The following NAV2 variants were observed in gnomAD, a reference collection of about 807,000 sequenced individuals.
The protein encoded by NAV2 is neuron navigator 2, also known as helicase, APC down-regulated 1.
A neutral mutation model predicts 223.2 loss-of-function variants in NAV2; 54 were observed. The observed-to-expected ratio is 0.24, with a 90% confidence interval of 0.19 to 0.30. The LOEUF (loss-of-function observed/expected upper bound fraction) is 0.30. Among genes scored for constraint, NAV2 ranks in the 10% least tolerant of loss-of-function variants. The pLI is 1.00. For synonymous variants in NAV2, 1,279 were observed against 1,239.3 expected (o/e 1.03, Z -0.67); for missense variants, 2,806 against 3,147.5 (o/e 0.89, Z 2.60).
chr11:19,538,367 GT>G (rs2044246056), intron 1 of NAV2, among the ~76,000 whole-genome samples: 1 of 152,064 alleles, frequency 6.6e-6, no homozygotes, highest in Non-Finnish European at 1.5e-5. Flanking sequence ...TTGAGACAGG[GT>G]CTTGCTCTTT....
At chr11:19,693,376 T>A (rs995977452) in intron 1 of NAV2, among the ~76,000 whole-genome samples, 1 of 152,192 alleles carries the variant, frequency 6.6e-6, no homozygotes, top group African/African-American at 2.4e-5. Flanking sequence ...TATTTCTGTC[T>A]CCAACCAGGA....
chr11:19,358,886 G>T (rs1177386878), intron 1 of NAV2, among the ~76,000 whole-genome samples: 1 of 152,156 alleles, frequency 6.6e-6, no homozygotes, highest in African/African-American at 2.4e-5. Flanking sequence ...TAAAAAGTAG[G>T]ATAAATAATT....
At chr11:19,496,411 G>A (rs897908971) in intron 1 of NAV2, among the ~76,000 whole-genome samples, 4 of 152,208 alleles carry the variant, frequency 2.6e-5, no homozygotes, top group African/African-American at 9.7e-5. Context: ...GCTTGACTGG[G>A]GCTGGAGGAC....
At chr11:19,864,137 C>G (rs577704727) in intron 3 of NAV2, among the ~76,000 whole-genome samples, 4 of 152,160 alleles carry the variant, frequency 2.6e-5, no homozygotes, top group Non-Finnish European at 5.9e-5. Flanking sequence ...TGGTTGTGAC[C>G]ATGCCTGACT....
intron 27 of NAV2, among the ~76,000 whole-genome samples, chr11:20,091,454 C>A (rs893388170): frequency 6.6e-6 from 1 of 152,180 alleles, no homozygotes; most frequent in African/African-American, 2.4e-5. Flanking sequence ...CTCTGCACAT[C>A]CAAGTTAGAC....
chr11:19,712,184 G>A (rs1247767046), upstream of NAV2: 1 of 152,212 alleles, frequency 6.6e-6, no homozygotes, highest in Non-Finnish European at 1.5e-5. Flanking sequence ...AGCCTCTCCC[G>A]GCTTCTTCAG....
chr11:19,367,569 G>A (rs943921381), intron 1 of NAV2, among the ~76,000 whole-genome samples: 2 of 152,130 alleles, frequency 1.3e-5, no homozygotes, highest in Non-Finnish European at 2.9e-5. Flanking sequence ...TTTCAAGAGA[G>A]CTCCCACTGG....
intron 22 of NAV2, among the ~76,000 whole-genome samples, chr11:20,069,050 G>A (rs2059228299): frequency 6.6e-6 from 1 of 151,918 alleles, no homozygotes; most frequent in Admixed American, 6.6e-5. Context: ...TATCTAGGGG[G>A]AGCACCTAGC....
chr11:20,050,634 A>C (rs2057906562), intron 16 of NAV2, among the ~76,000 whole-genome samples: 1 of 151,562 alleles, frequency 6.6e-6, no homozygotes, highest in Non-Finnish European at 1.5e-5. Context: ...TTGTCAGCTC[A>C]CAAACCAAGC....
At chr11:19,812,372 C>T (rs2058878459) in intron 1 of NAV2, among the ~76,000 whole-genome samples, 1 of 152,062 alleles carries the variant, frequency 6.6e-6, no homozygotes, top group African/African-American at 2.4e-5. Flanking sequence ...CCTGGCCATT[C>T]ACTCTCTAAT....
At chr11:19,611,457 C>T (rs1268808074) in intron 1 of NAV2, among the ~76,000 whole-genome samples, 1 of 152,168 alleles carries the variant, frequency 6.6e-6, no homozygotes, top group Non-Finnish European at 1.5e-5. Context: ...AAGGCAAGTC[C>T]CTTCTGCCTA....
intron 10 of NAV2, among the ~76,000 whole-genome samples, chr11:19,974,196 C>T (rs1174635305): frequency 6.6e-6 from 1 of 152,204 alleles, no homozygotes; most frequent in Non-Finnish European, 1.5e-5. Flanking sequence ...TTCTTCCGCC[C>T]AGGTCTCATG....
At chr11:19,891,781 C>T (rs1478764791) in intron 5 of NAV2, among the ~76,000 whole-genome samples, 1 of 152,090 alleles carries the variant, frequency 6.6e-6, no homozygotes, top group Admixed American at 6.6e-5. Context: ...TACTTACAAC[C>T]CCAGATTATG....
rs1409049518 is a variant in NAV2 at position 20,118,449 on chromosome 11, T to C, written c.*191T>C. Reference sequence around the variant, plus strand: ...CCGGGCCAGCTGCCTGCGGACCGCTTCCTTCCACAGCGAGAACTGCACTAC... The same window carrying C: ...CCGGGCCAGCTGCCTGCGGACCGCTCCCTTCCACAGCGAGAACTGCACTAC... On this transcript the variant is annotated 3_prime_UTR_variant, in exon 38 of 38. Transcript: ENST00000349880. 1 of 638,920 alleles carries C rather than the reference T, an allele frequency of 1.6e-6. No individual in the cohort carries two copies. Among genetic ancestry groups the C allele is most frequent in the African/African-American group, 1.8e-5 (1 of 54,898 alleles). 39.6% of individuals were successfully genotyped at this position (638,920 alleles called of 1,614,324 possible). A position where few individuals can be genotyped will look rare whatever the true frequency, so the allele number is the denominator to read the frequency against.
chr11:19,400,130 A>G (rs1779838955), intron 1 of NAV2, among the ~76,000 whole-genome samples: 6 of 152,174 alleles, frequency 3.9e-5, no homozygotes, highest in Admixed American at 3.9e-4. Context: ...GGAAAGTGTG[A>G]ATAAGGGGTA....
intron 1 of NAV2, chr11:19,511,496 A>G (rs184415781): frequency 2.6e-5 from 4 of 152,332 alleles, no homozygotes; most frequent in Non-Finnish European, 5.9e-5. Context: ...AAGACTGATC[A>G]TGGTGATGGT....
chr11:19,675,835 CA>C (rs1303738188), intron 1 of NAV2, among the ~76,000 whole-genome samples: 1 of 152,196 alleles, frequency 6.6e-6, no homozygotes, highest in Non-Finnish European at 1.5e-5. Flanking sequence ...CACGAGTTTT[CA>C]CAACAGTATA....
chr11:19,465,829 G>C (rs1445278047), intron 1 of NAV2, among the ~76,000 whole-genome samples: 1 of 152,212 alleles, frequency 6.6e-6, no homozygotes, highest in Non-Finnish European at 1.5e-5. Context: ...TTCAAATTCA[G>C]CTGTCTGATT....
intron 1 of NAV2, among the ~76,000 whole-genome samples, chr11:19,684,675 C>G (rs1011899302): frequency 6.6e-6 from 1 of 152,150 alleles, no homozygotes; most frequent in Non-Finnish European, 1.5e-5. Context: ...CACTGCAAGC[C>G]CAGTGCCAAC....
Sources: gnomAD v4.1 joint callset for allele counts (sites outside exome capture counted in the v4.1 genomes callset) on GRCh38, gnomAD v4.1.1 for gene constraint, MANE v1.5 for transcripts, NCBI Gene and HGNC (gene_info 2026-07-23, HGNC 2026-07-21) for gene names.